PCDHGB3: variants seen among roughly 807,000 people sequenced by gnomAD.
The protein encoded by PCDHGB3 is protocadherin gamma-B3.
A neutral mutation model predicts 59.2 loss-of-function variants in PCDHGB3; 40 were observed. That is an observed-to-expected ratio of 0.68 (90% CI 0.52 to 0.88). PCDHGB3 has a LOEUF of 0.88. Among genes scored for constraint, PCDHGB3 ranks in the 40% least tolerant of loss-of-function variants. The pLI, the probability that PCDHGB3 is intolerant of heterozygous loss-of-function variation, is 0.00. For missense variants in PCDHGB3, 1,309 were observed against 1,187.9 expected, an observed-to-expected ratio of 1.10 and a Z score of -1.50; for synonymous variants, 581 against 503.6, an observed-to-expected ratio of 1.15 and a Z score of -2.06.
At chr5:141,452,887 C>T (rs1000136303) in intron 1 of PCDHGB3, among the ~76,000 whole-genome samples, 1 of 152,174 alleles carries the variant, frequency 6.6e-6, no homozygotes, top group Non-Finnish European at 1.5e-5. Flanking sequence ...ATAATTTATT[C>T]CACTTTTATT....
chr5:141,489,220 C>G lies in PCDHGB3; in HGVS notation c.2416-5587C>G. The G allele has an allele frequency of 6.6e-7, 1 of 1,508,698 alleles. No individual in the cohort carries two copies. Among genetic ancestry groups the G allele is most frequent in the South Asian group, 1.3e-5 (1 of 75,604 alleles). The allele number at this position is 1,508,698 out of a possible 1,614,324, so 93.5% of individuals were successfully genotyped here. A position where few individuals can be genotyped will look rare whatever the true frequency, so the allele number is the denominator to read the frequency against. ...AGACAGGACAGCACAGACTTACTCT[C>G]CACAAAGGGACTTCTGGGTCATGGG... On this transcript the variant is annotated intron_variant, in intron 1 of 3. Transcript: ENST00000576222. The surrounding 1 kb of genome is among the most constrained non-coding windows in gnomAD (Gnocchi z 4.5).
chr5:141,421,064 G>A (rs2096543646), intron 1 of PCDHGB3: 2 of 593,294 alleles, frequency 3.4e-6, no homozygotes, highest in Non-Finnish European at 5.7e-6. Context: ...ACACAAAGCG[G>A]AATGAGATGG....
intron 1 of PCDHGB3, chr5:141,420,939 C>A: frequency 2.6e-6 from 1 of 387,512 alleles, no homozygotes; most frequent in South Asian, 5.2e-5. Context: ...GTAATCATTT[C>A]TTCTGGAATT....
intron 1 of PCDHGB3, chr5:141,374,661 A>G: frequency 6.2e-7 from 1 of 1,611,830 alleles, no homozygotes; most frequent in Non-Finnish European, 8.5e-7. Context: ...AAGTACCCGG[A>G]GCTGGTGCTG....
chr5:141,385,182 G>T (rs374159387), intron 1 of PCDHGB3: 2 of 1,614,138 alleles, frequency 1.2e-6, no homozygotes, highest in Non-Finnish European at 8.5e-7. Flanking sequence ...CCCTCACCGC[G>T]GACTCTCGGA....
intron 1 of PCDHGB3, among the ~76,000 whole-genome samples, chr5:141,459,804 C>G (rs2098975712): frequency 6.6e-6 from 1 of 152,192 alleles, no homozygotes; most frequent in Non-Finnish European, 1.5e-5. Context: ...TCCCTGTTGA[C>G]TAGAGACACT....
At chr5:141,374,028 G>A (rs1417226376) in intron 1 of PCDHGB3, 1 of 1,418,506 alleles carries the variant, frequency 7.0e-7, no homozygotes, top group Non-Finnish European at 9.3e-7. Context: ...GAGCAAAAGT[G>A]ATGCAGATCT....
chr5:141,399,940 C>T lies in PCDHGB3; in HGVS notation c.2415+27131C>T, dbSNP rs374856105. On this transcript the variant is annotated intron_variant, in intron 1 of 3. Transcript: ENST00000576222. Reference sequence around the variant, plus strand: ...CAACGCCTGGCTGTCCTACCACGTGCTGCAGGCTAGCGAGCCCGGGCTCTT... The same window carrying T: ...CAACGCCTGGCTGTCCTACCACGTGTTGCAGGCTAGCGAGCCCGGGCTCTT... 4.8e-4 allele frequency: 772 copies of T among 1,612,360 alleles called. 1 individual carries two copies. In the African/African-American group the frequency reaches 9.6e-3, roughly 20 times the overall value.
rs1410419839 is a variant in PCDHGB3 at position 141,429,391 on chromosome 5, A to ATTTT, written c.2415+56582_2415+56583insTTTT. Among the ~76,000 whole-genome samples, 380 of 151,312 alleles carry ATTTT rather than the reference A, an allele frequency of 2.5e-3. 1 individual carries two copies. The highest frequency in any genetic ancestry group is 4.2e-3 in the South Asian group (20 of 4,768). On this transcript the variant is annotated intron_variant, in intron 1 of 3. Coordinates refer to ENST00000576222, the MANE Select transcript of PCDHGB3 (RefSeq NM_018924.5). The stretch of plus-strand genomic sequence containing the variant: ...GGAGAAAATGTGTTTTTTTTTTAAA[A>ATTTT]AAAATTGAGATTAAGGTCTCATTAT...
At chr5:141,439,631 A>G (rs1459977985) in intron 1 of PCDHGB3, among the ~76,000 whole-genome samples, 2 of 152,214 alleles carry the variant, frequency 1.3e-5, no homozygotes, top group African/African-American at 2.4e-5. Context: ...ATCCCCAGAC[A>G]TTCCGGCTTG....
chr5:141,410,252 C>A, intron 1 of PCDHGB3: 2 of 1,613,998 alleles, frequency 1.2e-6, no homozygotes. Context: ...ACTCTCTGAC[C>A]CCCAGGCTGA....
chr5:141,374,304 T>C lies in PCDHGB3; in HGVS notation c.2415+1495T>C, dbSNP rs748378038. On this transcript the variant is annotated intron_variant, in intron 1 of 3. Coordinates refer to ENST00000576222, the MANE Select transcript of PCDHGB3 (RefSeq NM_018924.5). ...ATCGTCTCCAGAGGTAGGATGCAGC[T>C]TTTCTCTCTGAATCCGCGAAACGGC... 3.7e-6 allele frequency: 6 copies of C among 1,613,950 alleles called. No homozygotes were observed. The highest frequency in any genetic ancestry group is 1.7e-4 in the Middle Eastern group (1 of 6,058).
rs775705715 is a variant in PCDHGB3 at position 141,422,475 on chromosome 5, C to T, written c.2415+49666C>T. ...GCAGAGTGCTGGACAGGGAGTTGGT[C>T]CAGAGCTACAATATAACGTTGACAG... On this transcript the variant is annotated intron_variant, in intron 1 of 3. Coordinates refer to ENST00000576222, the MANE Select transcript of PCDHGB3 (RefSeq NM_018924.5). The T allele has an allele frequency of 7.4e-6, 12 of 1,613,672 alleles. No individual in the cohort carries two copies. The East Asian group carries it at 2.0e-4, about 27-fold the overall frequency.
chr5:141,386,056 A>C (rs2090445356), intron 1 of PCDHGB3: 1 of 152,214 alleles, frequency 6.6e-6, no homozygotes, highest in South Asian at 2.1e-4. Flanking sequence ...TTTAACAGAG[A>C]ATTCCAGTAT....
chr5:141,507,601 A>G (rs2099861935), intron 3 of PCDHGB3, among the ~76,000 whole-genome samples: 1 of 152,254 alleles, frequency 6.6e-6, no homozygotes, highest in South Asian at 2.1e-4. Flanking sequence ...TGAGGGAAAT[A>G]AACAGGTATA....
In PCDHGB3 at chr5:141,485,867, G is replaced by T; in HGVS notation, c.2416-8940G>T. The T allele has an allele frequency of 6.2e-7, 1 of 1,614,164 alleles. No homozygotes were observed. Among genetic ancestry groups the T allele is most frequent in the Non-Finnish European group, 8.5e-7 (1 of 1,180,040 alleles). On this transcript the variant is annotated intron_variant, in intron 1 of 3. Transcript: ENST00000576222. The surrounding 1 kb of genome is among the most constrained non-coding windows in gnomAD (Gnocchi z 5.7). ...TGGCACCGCAGAGCTCCGGGTATCC[G>T]TGCTGGACGTAAACGACAACGCCCC...
In PCDHGB3 at chr5:141,485,669, T is replaced by G. The variant is rs754363407; in HGVS notation, c.2416-9138T>G. ...TCAGGATGCAGATGTGGGGAGCAATTCGATTAGCAGCTATAGGCTGAGCTC... is the reference window on the plus strand; with the variant it reads ...TCAGGATGCAGATGTGGGGAGCAATGCGATTAGCAGCTATAGGCTGAGCTC... On this transcript the variant is annotated intron_variant, in intron 1 of 3. Transcript: ENST00000576222. The surrounding 1 kb of genome is among the most constrained non-coding windows in gnomAD (Gnocchi z 5.7). 1.9e-6 allele frequency: 3 copies of G among 1,612,788 alleles called. 1 individual carries two copies. Among genetic ancestry groups the G allele is most frequent in the Admixed American group, 1.7e-5 (1 of 59,980 alleles).
intron 1 of PCDHGB3, chr5:141,428,211 C>A: frequency 7.8e-7 from 1 of 1,284,316 alleles, no homozygotes; most frequent in Non-Finnish European, 1.1e-6. Context: ...CTACGCTTCA[C>A]CTAGTCTTCG....
intron 1 of PCDHGB3, chr5:141,479,186 T>C (rs956575218): frequency 3.3e-5 from 5 of 152,590 alleles, no homozygotes; most frequent in Admixed American, 3.3e-4. Flanking sequence ...GCTAGAAAAT[T>C]CAGAAAATAC....
Sources: allele counts gnomAD v4.1 joint callset (sites outside exome capture counted in the v4.1 genomes callset), GRCh38; gene constraint gnomAD v4.1.1; non-coding constraint Gnocchi (gnomAD v3.1); transcripts MANE v1.5; gene names NCBI Gene and HGNC (gene_info 2026-07-23, HGNC 2026-07-21).